The following CHN2 variants were observed in gnomAD, a reference collection of about 807,000 sequenced individuals.
The protein encoded by CHN2 is beta-chimaerin.
A neutral mutation model predicts 56.3 loss-of-function variants in CHN2; 35 were observed. The observed-to-expected ratio is 0.62, with a 90% CI of 0.47 to 0.82. The LOEUF is 0.82. CHN2 is among the 40% of genes least tolerant of loss of function. The pLI, the probability that CHN2 is intolerant of heterozygous loss-of-function variation, is 0.00. For missense variants in CHN2, 491 were observed against 580.5 expected (o/e 0.85, Z 1.58); for synonymous variants, 210 against 212.8 (o/e 0.99, Z 0.12).
intron 4 of CHN2, chr7:29,398,065 G>T (rs912099090): frequency 3.1e-5 from 7 of 227,804 alleles, no homozygotes; most frequent in South Asian, 1.3e-4. Flanking sequence ...AAAAGGGGGG[G>T]GGGGGGCGGT....
At chr7:29,152,203 T>G (rs1475496802) in intron 2 of CHN2, among the ~76,000 whole-genome samples, 5 of 152,172 alleles carry the variant, frequency 3.3e-5, no homozygotes, top group Non-Finnish European at 5.9e-5. Context: ...AGGTATTTCT[T>G]GGTAGGAATG....
intron 1 of CHN2, among the ~76,000 whole-genome samples, chr7:29,226,671 A>G (rs1293720251): frequency 6.6e-6 from 1 of 152,228 alleles, no homozygotes; most frequent in Non-Finnish European, 1.5e-5. Flanking sequence ...AGTCAAATTT[A>G]TATCAATTTG....
chr7:29,351,147 A>G (rs1279536641), intron 1 of CHN2, among the ~76,000 whole-genome samples: 2 of 150,250 alleles, frequency 1.3e-5, no homozygotes, highest in Non-Finnish European at 3.0e-5. Context: ...CAGTGCCCCT[A>G]AGAGATAGAT....
At chr7:29,406,051 C>T (rs1460170288) in intron 6 of CHN2, among the ~76,000 whole-genome samples, 2 of 152,276 alleles carry the variant, frequency 1.3e-5, no homozygotes, top group Admixed American at 6.5e-5. Context: ...GGCTGGTGTC[C>T]CCGTGGTGAC....
intron 3 of CHN2, among the ~76,000 whole-genome samples, chr7:29,388,074 C>A (rs1277868597): frequency 6.6e-6 from 1 of 152,092 alleles, no homozygotes; most frequent in Non-Finnish European, 1.5e-5. Context: ...GATATTTTTG[C>A]ATTCTCTAAA....
intron 1 of CHN2, among the ~76,000 whole-genome samples, chr7:29,276,068 C>A (rs1038069732): frequency 2.8e-4 from 41 of 148,564 alleles, no homozygotes; most frequent in South Asian, 8.6e-4. Flanking sequence ...AAAAAAAAAA[C>A]AAAACACGCA....
chr7:29,513,844 C>A lies in CHN2; in HGVS notation c.*1109C>A, dbSNP rs901854007. On this transcript the variant is annotated 3_prime_UTR_variant, in exon 13 of 13. Coordinates refer to ENST00000222792, the MANE Select transcript of CHN2 (RefSeq NM_004067.4). Reference sequence around the variant, plus strand: ...CTGTGTGGATAATATGATTTTATTACTACAGTTCCAGTCACTTGGTTATAT... The same window carrying A: ...CTGTGTGGATAATATGATTTTATTAATACAGTTCCAGTCACTTGGTTATAT... 6.6e-6 allele frequency: 1 copy of A among 152,624 alleles called. No individual in the cohort carries two copies. Among genetic ancestry groups the A allele is most frequent in the African/African-American group, 2.4e-5 (1 of 41,450 alleles). 9.5% of individuals were successfully genotyped at this position (152,624 alleles called of 1,614,324 possible).
intron 1 of CHN2, among the ~76,000 whole-genome samples, chr7:29,251,202 C>T (rs534167036): frequency 2.0e-5 from 3 of 152,312 alleles, no homozygotes; most frequent in African/African-American, 4.8e-5. Context: ...CCTGCAATTC[C>T]AGCCCTTTGA....
chr7:29,209,728 C>CTTT (rs1276529841), intron 1 of CHN2, among the ~76,000 whole-genome samples: 1 of 152,138 alleles, frequency 6.6e-6, no homozygotes, highest in African/African-American at 2.4e-5. Flanking sequence ...ATTTTTAAGG[C>CTTT]TTTCATTTAT....
intron 2 of CHN2, among the ~76,000 whole-genome samples, chr7:29,188,681 C>G (rs185575649): frequency 2.7e-4 from 41 of 152,178 alleles, no homozygotes; most frequent in African/African-American, 9.9e-4. Context: ...CCTGGGCTGA[C>G]AAGCTAAAAC....
At chr7:29,175,453 G>T (rs1797181944) in intron 2 of CHN2, among the ~76,000 whole-genome samples, 2 of 152,106 alleles carry the variant, frequency 1.3e-5, no homozygotes, top group Non-Finnish European at 2.9e-5. Context: ...TGGGATTACA[G>T]GTATGAGCCA....
At chr7:29,164,973 A>T (rs930648157) in intron 2 of CHN2, among the ~76,000 whole-genome samples, 31 of 152,024 alleles carry the variant, frequency 2.0e-4, no homozygotes, top group African/African-American at 7.5e-4. Flanking sequence ...CCTAAATATA[A>T]ACTCAAGTGT....
At position 29,166,296 on chromosome 7, in the gene CHN2, C is replaced by T. The variant is rs757905363; in HGVS notation, c.274+19336C>T. ...CCTCCCATCTCAACCTCTCAGAATGCTGGGATTAGAGGCATGAGCCACTGC... is the reference window on the plus strand; with the variant it reads ...CCTCCCATCTCAACCTCTCAGAATGTTGGGATTAGAGGCATGAGCCACTGC... On this transcript the variant is annotated intron_variant, in intron 2 of 6. Coordinates refer to the CHN2 transcript ENST00000439384. Among the ~76,000 whole-genome samples the T allele has an allele frequency of 5.5e-4, 84 of 152,124 alleles. 2 individuals carry two copies. The highest frequency in any genetic ancestry group is 1.0e-3 in the Non-Finnish European group (71 of 68,018).
At chr7:29,241,326 C>G (rs896568970) in intron 1 of CHN2, among the ~76,000 whole-genome samples, 2 of 152,152 alleles carry the variant, frequency 1.3e-5, no homozygotes, top group Admixed American at 6.5e-5. Flanking sequence ...CAGGGTCTCT[C>G]ACTAGGCCAG....
intron 1 of CHN2, among the ~76,000 whole-genome samples, chr7:29,293,428 C>A (rs546844924): frequency 8.4e-5 from 12 of 143,154 alleles, no homozygotes; most frequent in Non-Finnish European, 1.2e-4. Flanking sequence ...GGCTTTTCAG[C>A]CACGCTTGCG....
At chr7:29,162,960 T>C (rs1795391193) in intron 2 of CHN2, among the ~76,000 whole-genome samples, 1 of 152,174 alleles carries the variant, frequency 6.6e-6, no homozygotes, top group Non-Finnish European at 1.5e-5. Context: ...AGATAAAACA[T>C]TTGAATACAT....
At chr7:29,371,844 G>A (rs763602987) in intron 3 of CHN2, among the ~76,000 whole-genome samples, 6 of 151,832 alleles carry the variant, frequency 4.0e-5, no homozygotes, top group South Asian at 2.1e-4. Flanking sequence ...AATATATCTC[G>A]CATTGTCCAC....
At chr7:29,242,211 G>A (rs1351476468) in intron 1 of CHN2, among the ~76,000 whole-genome samples, 1 of 152,120 alleles carries the variant, frequency 6.6e-6, no homozygotes, top group Non-Finnish European at 1.5e-5. Context: ...GCCTCTAAAG[G>A]ACATATATCT....
chr7:29,189,217 G>T (rs973006310), intron 2 of CHN2, among the ~76,000 whole-genome samples: 2 of 152,062 alleles, frequency 1.3e-5, no homozygotes, highest in African/African-American at 4.8e-5. Context: ...CTCCCAAAGG[G>T]CTGGGATTAC....
Sources: allele counts gnomAD v4.1 joint callset (sites outside exome capture counted in the v4.1 genomes callset), GRCh38; gene constraint gnomAD v4.1.1; transcripts MANE v1.5; gene names NCBI Gene and HGNC (gene_info 2026-07-23, HGNC 2026-07-21).